The following RDH11 variants were observed in gnomAD, a reference collection of about 807,000 sequenced individuals.
RDH11 encodes the protein HCV core-binding protein HCBP12.
RDH11 carries 19 observed loss-of-function variants against 33.4 expected under a neutral mutation model. The ratio of observed to expected loss-of-function variants is 0.57; its 90% confidence interval spans 0.40 to 0.83. RDH11 has a LOEUF of 0.83. Ranked by LOEUF, RDH11 falls within the 40% of genes least tolerant of loss-of-function variation. The pLI, the probability that RDH11 is intolerant of heterozygous loss-of-function variation, is 0.00. For missense variants in RDH11, 353 were observed against 389.0 expected (o/e 0.91, Z 0.78); for synonymous variants, 154 against 155.3 (o/e 0.99, Z 0.06).
At chr14:67,694,037 C>G (rs2037790819) in intron 1 of RDH11, among the ~76,000 whole-genome samples, 1 of 152,106 alleles carries the variant, frequency 6.6e-6, no homozygotes, top group African/African-American at 2.4e-5. Flanking sequence ...CTCAGACTGG[C>G]CTATTCTCTT....
At chr14:67,678,780 G>A (rs79052400) in intron 6 of RDH11, among the ~76,000 whole-genome samples, 1 of 152,014 alleles carries the variant, frequency 6.6e-6, no homozygotes, top group Non-Finnish European at 1.5e-5. Context: ...CAGAGCCTTG[G>A]ACAATGTCAT....
intron 4 of RDH11, 187 bp from the exon 5 acceptor site, chr14:67,690,608 G>A: frequency 3.4e-6 from 2 of 591,410 alleles, no homozygotes; most frequent in South Asian, 4.0e-5. Context: ...AAAGACATGA[G>A]GCATCCTTAT....
At position 67,685,170 on chromosome 14, in the gene RDH11, G is replaced by T; in HGVS notation, c.699C>A (p.Gly233=). The T allele has an allele frequency of 6.2e-7, 1 of 1,614,122 alleles. No homozygotes were observed. The highest frequency in any genetic ancestry group is 2.2e-5 in the East Asian group (1 of 44,886). ...SGVTTYSVHP[G]TVQSELVRHS... ...GCCGAACCAGTTCAGATTGGACTGTGCCAGGGTGTACAGAATACGTCGTAA... is the reference window on the plus strand; with the variant it reads ...GCCGAACCAGTTCAGATTGGACTGTTCCAGGGTGTACAGAATACGTCGTAA... The change falls in exon 6 of 7, where the codon GGC becomes GGA. Residue 233 remains glycine, a synonymous_variant. Transcript: ENST00000381346.
At chr14:67,683,740 G>A (rs935484295) in intron 6 of RDH11, among the ~76,000 whole-genome samples, 1 of 152,216 alleles carries the variant, frequency 6.6e-6, no homozygotes, top group African/African-American at 2.4e-5. Context: ...TGCCCCGGCT[G>A]GCTGACTGCC....
intron 5 of RDH11, among the ~76,000 whole-genome samples, chr14:67,685,694 C>T (rs116242618): frequency 0.012 from 1,760 of 152,050 alleles, 33 homozygotes; most frequent in African/African-American, 0.04. Flanking sequence ...GATCTTCCTT[C>T]TGCCACTGCC....
At chr14:67,682,359 AT>A (rs2037625866) in intron 6 of RDH11, among the ~76,000 whole-genome samples, 2 of 152,204 alleles carry the variant, frequency 1.3e-5, no homozygotes, top group South Asian at 2.1e-4. Context: ...CAAATTATAT[AT>A]CTGACAAGGA....
At chr14:67,686,664 C>T (rs896169690) in intron 5 of RDH11, among the ~76,000 whole-genome samples, 7 of 148,708 alleles carry the variant, frequency 4.7e-5, no homozygotes, top group Non-Finnish European at 8.9e-5. Flanking sequence ...AAAAAAGTGC[C>T]TGATGCATGG....
chr14:67,689,787 TAC>T (rs954182678), intron 5 of RDH11, among the ~76,000 whole-genome samples: 1 of 151,796 alleles, frequency 6.6e-6, no homozygotes, highest in African/African-American at 2.4e-5. Context: ...CTACTAAAAA[TAC>T]AAAAATTAGC....
chr14:67,680,676 C>T (rs192686550), intron 6 of RDH11, among the ~76,000 whole-genome samples: 41 of 152,216 alleles, frequency 2.7e-4, no homozygotes, highest in African/African-American at 7.2e-4. Context: ...CTAGGCTGGT[C>T]TTGAACTCCT....
chr14:67,689,883 G>T (rs1015318079), intron 5 of RDH11, among the ~76,000 whole-genome samples: 1 of 152,032 alleles, frequency 6.6e-6, no homozygotes, highest in Non-Finnish European at 1.5e-5. Context: ...AGTGGAGGTC[G>T]GCAGTGAGCC....
Position 67,685,143 on chromosome 14 carries a change from G to A in RDH11, c.726C>T (p.His242=), listed in dbSNP as rs2037661457. 1.2e-6 allele frequency: 2 copies of A among 1,614,184 alleles called. No individual in the cohort carries two copies. The highest frequency in any genetic ancestry group is 1.7e-6 in the Non-Finnish European group (2 of 1,180,030). ...PGTVQSELVR[H]SSFMRWMWWL... ...ACCACATCCATCTCATGAAAGATGA[G>A]TGCCGAACCAGTTCAGATTGGACTG... Residue 242 remains histidine, a synonymous_variant, in exon 6 of 7, where the codon CAC becomes CAT. Transcript: ENST00000381346.
Position 67,692,955 on chromosome 14 carries a change from C to G in RDH11, c.172G>C (p.Ala58Pro), listed in dbSNP as rs1433884016. The change falls in exon 2 of 7, where the codon GCC becomes CCC. Residue 58 changes from alanine (A) to proline (P), a missense_variant. Coordinates refer to ENST00000381346, the MANE Select transcript of RDH11 (RefSeq NM_016026.4). ...GANTGIGKET[A>P]KELAQRGARV... ...TTGCCTCTCTGAGCCAGCTCTTTGGCTGTCTCCTTCCCGATACCTGTATTA... is the reference window on the plus strand; with the variant it reads ...TTGCCTCTCTGAGCCAGCTCTTTGGGTGTCTCCTTCCCGATACCTGTATTA... The G allele has an allele frequency of 6.2e-7, 1 of 1,613,584 alleles. No individual in the cohort carries two copies. The highest frequency in any genetic ancestry group is 1.7e-5 in the Admixed American group (1 of 60,012).
intron 6 of RDH11, among the ~76,000 whole-genome samples, chr14:67,680,252 C>T (rs2037598129): frequency 6.6e-6 from 1 of 152,196 alleles, no homozygotes; most frequent in Admixed American, 6.5e-5. Context: ...ACCAGTATGA[C>T]CAGTACAACT....
Position 67,690,278 on chromosome 14 carries a change from G to C in RDH11, c.598C>G (p.Leu200Val), listed in dbSNP as rs201038531. The C allele has an allele frequency of 6.8e-6, 11 of 1,614,180 alleles. No individual in the cohort carries two copies. In the East Asian group the frequency reaches 2.5e-4, roughly 36 times the overall value. The stretch of plus-strand genomic sequence containing the variant: ...GCTAGCTTGCTGTGACAGTAGGCCA[G>C]GCCTGCATTGTAGAATTTCTCGCCC... Reference protein sequence around the residue: ...LQGEKFYNAGLAYCHSKLANI... With the variant: ...LQGEKFYNAGVAYCHSKLANI... Residue 200 changes from leucine (L) to valine (V), a missense_variant, in exon 5 of 7, where the codon CTG becomes GTG. Physicochemically the swap from Leu to Val is conservative, Grantham distance 32. Transcript: ENST00000381346.
At chr14:67,687,675 T>C (rs2037697861) in intron 5 of RDH11, among the ~76,000 whole-genome samples, 1 of 152,022 alleles carries the variant, frequency 6.6e-6, no homozygotes, top group Non-Finnish European at 1.5e-5. Context: ...TTCTCCATGT[T>C]GGTCAGGCTG....
In RDH11 at chr14:67,692,355, G is replaced by A. The variant is rs1029471079; in HGVS notation, c.349+83C>T. ...TATATTTTATCCACCACTTCTATGA[G>A]GAAGAGGGACCTTTTCCTTTTAGTT... On this transcript the variant is annotated intron_variant, in intron 3 of 6. Coordinates refer to ENST00000381346, the MANE Select transcript of RDH11 (RefSeq NM_016026.4). The A allele has an allele frequency of 1.0e-5, 15 of 1,468,208 alleles. No homozygotes were observed. In the Admixed American group the frequency reaches 2.9e-4, roughly 29 times the overall value. The allele number at this position is 1,468,208 out of a possible 1,614,324, so 90.9% of individuals were successfully genotyped here.
chr14:67,691,035 G>A (rs985563019), intron 4 of RDH11, 105 bp downstream of exon 4: 11 of 768,824 alleles, frequency 1.4e-5, no homozygotes, highest in Non-Finnish European at 2.6e-5. Flanking sequence ...GGTCTATTAT[G>A]GTCCTGAGGT....
Position 67,688,096 on chromosome 14 carries a change from C to T in RDH11, c.664+2116G>A, listed in dbSNP as rs147177104. On this transcript the variant is annotated intron_variant, in intron 5 of 6. Coordinates refer to ENST00000381346, the MANE Select transcript of RDH11 (RefSeq NM_016026.4). ...CCTCAGCCTCCACATTCTATCAGTA[C>T]CTCTAATCCATTTAATTTCTAATCA... Among the ~76,000 whole-genome samples the T allele has an allele frequency of 3.1e-4, 47 of 152,102 alleles. No homozygotes were observed. The East Asian group carries it at 8.5e-3, about 28-fold the overall frequency.
chr14:67,695,635 T>C lies in RDH11; in HGVS notation c.69A>G (p.Gln23=), dbSNP rs768994306. ...GGCAATACATTTGCACAGACCTGAT[T>C]TGGGGCGCAGCCATATACAGAAGGA... ...LPFLLYMAAP[Q]IRKMLSSGVC... Residue 23 remains glutamine, a synonymous_variant, in exon 1 of 7, where the codon CAA becomes CAG. Coordinates refer to ENST00000381346, the MANE Select transcript of RDH11 (RefSeq NM_016026.4). The C allele has an allele frequency of 3.7e-6, 6 of 1,613,954 alleles. No homozygotes were observed. Among genetic ancestry groups the C allele is most frequent in the Non-Finnish European group, 5.1e-6 (6 of 1,179,980 alleles).
Sources: gnomAD v4.1 joint callset for allele counts (sites outside exome capture counted in the v4.1 genomes callset) on GRCh38, gnomAD v4.1.1 for gene constraint, MANE v1.5 for transcripts, NCBI Gene and HGNC (gene_info 2026-07-23, HGNC 2026-07-21) for gene names.